The following MOB3B variants were observed in gnomAD, a reference collection of about 807,000 sequenced individuals.
The protein encoded by MOB3B is MOB kinase activator 3B.
MOB3B carries 7 observed loss-of-function variants against 18.7 expected under a neutral mutation model. The observed-to-expected ratio is 0.37, with a 90% CI of 0.21 to 0.70. MOB3B has a LOEUF of 0.70. Ranked by LOEUF, MOB3B falls within the 30% of genes least tolerant of loss-of-function variation. MOB3B has a pLI of 0.52. For missense variants in MOB3B, 253 were observed against 281.3 expected (o/e 0.90, Z 0.72); for synonymous variants, 111 against 99.9 (o/e 1.11, Z -0.66).
intron 2 of MOB3B, among the ~76,000 whole-genome samples, chr9:27,431,193 C>T (rs186844828): frequency 5.4e-4 from 82 of 152,274 alleles, no homozygotes; most frequent in African/African-American, 1.9e-3. Flanking sequence ...CTAGATCACC[C>T]TACAATTTAA....
At chr9:27,425,020 C>T (rs1318894551) in intron 2 of MOB3B, among the ~76,000 whole-genome samples, 1 of 152,134 alleles carries the variant, frequency 6.6e-6, no homozygotes, top group African/African-American at 2.4e-5. Context: ...TAATTTATTG[C>T]TTGCTTGCTT....
intron 1 of MOB3B, among the ~76,000 whole-genome samples, chr9:27,467,590 A>T (rs1332434941): frequency 6.6e-6 from 1 of 152,210 alleles, no homozygotes; most frequent in Non-Finnish European, 1.5e-5. Context: ...ATGAGGAAGA[A>T]TTTTCCCTAT....
At chr9:27,412,640 C>T (rs1160328004) in intron 2 of MOB3B, among the ~76,000 whole-genome samples, 2 of 152,096 alleles carry the variant, frequency 1.3e-5, no homozygotes, top group Admixed American at 6.5e-5. Flanking sequence ...TACAGCCATA[C>T]ATAAAAAATA....
intron 2 of MOB3B, among the ~76,000 whole-genome samples, chr9:27,380,910 T>G (rs892660592): frequency 1.1e-4 from 17 of 152,144 alleles, no homozygotes; most frequent in Admixed American, 9.2e-4. Flanking sequence ...GGAAGTTCAA[T>G]TTAACCTGGG....
chr9:27,414,299 A>C (rs1306381915), intron 2 of MOB3B, among the ~76,000 whole-genome samples: 5 of 152,224 alleles, frequency 3.3e-5, no homozygotes, highest in African/African-American at 9.6e-5. Flanking sequence ...TTCATCTTTC[A>C]GTGTTCAGAG....
chr9:27,368,727 A>G (rs763111284), intron 2 of MOB3B, among the ~76,000 whole-genome samples: 1 of 152,172 alleles, frequency 6.6e-6, no homozygotes, highest in Non-Finnish European at 1.5e-5. Flanking sequence ...AAAGAAAGAC[A>G]AACAGTGGTA....
At chr9:27,425,941 T>A (rs945826486) in intron 2 of MOB3B, among the ~76,000 whole-genome samples, 3 of 152,198 alleles carry the variant, frequency 2.0e-5, no homozygotes, top group Non-Finnish European at 4.4e-5. Context: ...GCAAACTGAC[T>A]TATCCATTAG....
At chr9:27,498,512 T>A (rs899783719) in intron 1 of MOB3B, among the ~76,000 whole-genome samples, 2 of 152,214 alleles carry the variant, frequency 1.3e-5, no homozygotes, top group Non-Finnish European at 1.5e-5. Flanking sequence ...AGAGGAAAGT[T>A]AGAAGAACTT....
At chr9:27,400,620 T>C (rs1411164043) in intron 2 of MOB3B, among the ~76,000 whole-genome samples, 3 of 152,224 alleles carry the variant, frequency 2.0e-5, no homozygotes, top group African/African-American at 7.2e-5. Flanking sequence ...ATGTGGTGAT[T>C]TATTTGTCTA....
At chr9:27,348,384 G>A (rs1342228622) in intron 3 of MOB3B, among the ~76,000 whole-genome samples, 1 of 152,090 alleles carries the variant, frequency 6.6e-6, no homozygotes, top group East Asian at 1.9e-4. Context: ...CAGGCCTGGT[G>A]GCTCACACCT....
chr9:27,410,052 G>A (rs34585002), intron 2 of MOB3B, among the ~76,000 whole-genome samples: 48,735 of 151,996 alleles, frequency 0.32, 8,242 homozygotes, highest in Non-Finnish European at 0.37. Flanking sequence ...CCACTGAATT[G>A]TACACTTAAA....
chr9:27,472,678 T>TAAAAAAAAA (rs56092176), intron 1 of MOB3B, among the ~76,000 whole-genome samples: 1 of 98,910 alleles, frequency 1.0e-5, no homozygotes, highest in African/African-American at 4.0e-5. Context: ...CACTTTATTC[T>TAAAAAAAAA]AAAAAAAAAA....
intron 3 of MOB3B, among the ~76,000 whole-genome samples, chr9:27,355,709 G>A (rs1377304670): frequency 4.0e-5 from 6 of 151,192 alleles, no homozygotes; most frequent in African/African-American, 1.2e-4. Context: ...ACAGGCACCC[G>A]CCACCGTGCC....
At chr9:27,382,006 C>T (rs534137103) in intron 2 of MOB3B, among the ~76,000 whole-genome samples, 41 of 152,226 alleles carry the variant, frequency 2.7e-4, no homozygotes, top group African/African-American at 9.4e-4. Flanking sequence ...TCTCTAGCTT[C>T]GGGCCTTGGA....
intron 2 of MOB3B, among the ~76,000 whole-genome samples, chr9:27,413,619 A>C (rs1236557075): frequency 1.3e-5 from 2 of 152,128 alleles, no homozygotes; most frequent in Non-Finnish European, 2.9e-5. Context: ...GGAATCTAAA[A>C]ATTGGAGGGT....
chr9:27,382,521 G>T (rs1821592645), intron 2 of MOB3B, among the ~76,000 whole-genome samples: 1 of 152,074 alleles, frequency 6.6e-6, no homozygotes, highest in African/African-American at 2.4e-5. Flanking sequence ...GTGGAAAAAT[G>T]CACCTAATCA....
chr9:27,498,815 C>G (rs1229939134), intron 1 of MOB3B, among the ~76,000 whole-genome samples: 1 of 152,052 alleles, frequency 6.6e-6, no homozygotes, highest in South Asian at 2.1e-4. Flanking sequence ...ATTCTTTAAG[C>G]GTAATTGGAA....
At chr9:27,483,498 T>A (rs1423542916) in intron 1 of MOB3B, among the ~76,000 whole-genome samples, 1 of 152,236 alleles carries the variant, frequency 6.6e-6, no homozygotes, top group Non-Finnish European at 1.5e-5. Flanking sequence ...CAAAATATTT[T>A]AAAAATATTT....
chr9:27,414,801 AT>A (rs1822121245), intron 2 of MOB3B, among the ~76,000 whole-genome samples: 1 of 152,216 alleles, frequency 6.6e-6, no homozygotes, highest in Non-Finnish European at 1.5e-5. Flanking sequence ...CAGAATTCTT[AT>A]ATAAAATGAG....
Sources: gnomAD v4.1 joint callset for allele counts (sites outside exome capture counted in the v4.1 genomes callset) on GRCh38, gnomAD v4.1.1 for gene constraint, MANE v1.5 for transcripts, NCBI Gene and HGNC (gene_info 2026-07-23, HGNC 2026-07-21) for gene names.